Variants in SERTAD2 observed in about 807,000 individuals in gnomAD.
SERTAD2 encodes the protein SERTA domain containing 2.
In SERTAD2, 2 loss-of-function variants were observed where a neutral mutation model predicts 15.4. The observed-to-expected ratio is 0.13, with a 90% CI of 0.05 to 0.41. The LOEUF (loss-of-function observed/expected upper bound fraction) is 0.41, where lower values mean the gene tolerates loss of function less well. SERTAD2 is among the 10% of genes least tolerant of loss of function. SERTAD2 has a pLI of 0.99. For synonymous variants in SERTAD2, 180 were observed against 178.0 expected, an observed-to-expected ratio of 1.01 and a Z score of -0.09; for missense variants, 333 against 409.7, an observed-to-expected ratio of 0.81 and a Z score of 1.62.
At chr2:64,649,341 G>A (rs1674966303) in intron 1 of SERTAD2, among the ~76,000 whole-genome samples, 1 of 152,226 alleles carries the variant, frequency 6.6e-6, no homozygotes, top group African/African-American at 2.4e-5. Context: ...AGGCTGATCT[G>A]GAGCAAGAGA....
intron 1 of SERTAD2, among the ~76,000 whole-genome samples, chr2:64,639,459 T>C (rs1043835863): frequency 2.0e-5 from 3 of 152,208 alleles, no homozygotes; most frequent in Admixed American, 2.0e-4. Context: ...GAGCCCCTAA[T>C]CACAGAAAGC....
At position 64,631,829 on chromosome 2, in the gene SERTAD2, CA is replaced by C. The variant is rs538116888; in HGVS notation, c.*4097del. The C allele has an allele frequency of 6.5e-5, 10 of 152,718 alleles. No individual in the cohort carries two copies. Among genetic ancestry groups the C allele is most frequent in the African/African-American group, 2.2e-4 (9 of 41,550 alleles). 9.5% of individuals were successfully genotyped at this position (152,718 alleles called of 1,614,324 possible). On this transcript the variant is annotated 3_prime_UTR_variant, in exon 2 of 2. Coordinates refer to ENST00000313349, the MANE Select transcript of SERTAD2 (RefSeq NM_014755.3). ...GGGAAAGGTTATACCTCCTTTTTGACAAAAGCCCTCCTCAAAAACCATGCAC... is the reference window on the plus strand; with the variant it reads ...GGGAAAGGTTATACCTCCTTTTTGACAAAGCCCTCCTCAAAAACCATGCAC...
chr2:64,645,125 G>A (rs1674870744), intron 1 of SERTAD2, among the ~76,000 whole-genome samples: 1 of 151,624 alleles, frequency 6.6e-6, no homozygotes, highest in African/African-American at 2.4e-5. Flanking sequence ...GTAAGACAAA[G>A]CCTCCCCTAA....
At position 64,636,483 on chromosome 2, in the gene SERTAD2, A is replaced by G. The variant is rs1428416136; in HGVS notation, c.389T>C (p.Leu130Pro). ...LGSTTPLEAC[L>P]TPASLLEDDD... ...GTCCTCGAGCAGTGAGGCCGGGGTG[A>G]GGCAGGCCTCCAGGGGCGTAGTGCT... Residue 130 changes from leucine (L) to proline (P), a missense_variant, in exon 2 of 2, where the codon CTC becomes CCC. By Grantham distance (98) the Leu-to-Pro change is moderately conservative. Around this residue, in one of 2 missense-constraint regions of SERTAD2, gnomAD observed 332 missense variants for 392.9 expected, o/e 0.84. Transcript: ENST00000313349. 6.2e-7 allele frequency: 1 copy of G among 1,613,360 alleles called. No homozygotes were observed. The highest frequency in any genetic ancestry group is 2.2e-5 in the East Asian group (1 of 44,844).
At chr2:64,636,899 T>A in intron 1 of SERTAD2, 24 bp from the exon 2 acceptor site, 1 of 1,511,516 alleles carries the variant, frequency 6.6e-7, no homozygotes, top group Non-Finnish European at 9.1e-7. Context: ...AGAGAGGAAA[T>A]GGCATTAATC....
At chr2:64,647,472 G>A (rs755584520) in intron 1 of SERTAD2, among the ~76,000 whole-genome samples, 11 of 151,868 alleles carry the variant, frequency 7.2e-5, no homozygotes, top group Non-Finnish European at 1.5e-4. Flanking sequence ...TCCCATTCTC[G>A]GGCATAATGA....
At position 64,637,653 on chromosome 2, in the gene SERTAD2, C is replaced by T. The variant is rs570298726; in HGVS notation, c.-4-778G>A. ...TAATTAGCTCTGATTATAAGCATTG[C>T]TGTTTGGGTACTCGAGACATTTCCT... On this transcript the variant is annotated intron_variant, in intron 1 of 1. Coordinates refer to ENST00000313349, the MANE Select transcript of SERTAD2 (RefSeq NM_014755.3). 2.6e-5 allele frequency among the ~76,000 whole-genome samples: 4 copies of T among 152,312 alleles called. No homozygotes were observed. The South Asian group carries it at 6.2e-4, about 24-fold the overall frequency.
chr2:64,653,315 C>T (rs1488292965), intron 1 of SERTAD2, among the ~76,000 whole-genome samples: 1 of 152,168 alleles, frequency 6.6e-6, no homozygotes, highest in Non-Finnish European at 1.5e-5. Flanking sequence ...GCGACAGCTC[C>T]AGGCGCCCCC....
intron 1 of SERTAD2, among the ~76,000 whole-genome samples, chr2:64,639,351 A>G (rs1674723609): frequency 6.6e-6 from 1 of 152,170 alleles, no homozygotes; most frequent in Non-Finnish European, 1.5e-5. Flanking sequence ...TGGGGCTTCT[A>G]TTTTCCATAA....
At chr2:64,653,334 C>T (rs1279340722) in intron 1 of SERTAD2, among the ~76,000 whole-genome samples, 3 of 152,018 alleles carry the variant, frequency 2.0e-5, no homozygotes, top group Non-Finnish European at 4.4e-5. Context: ...CCGCCCGCCG[C>T]TCGGCTCTCC....
At chr2:64,640,671 G>T (rs1418719968) in intron 1 of SERTAD2, among the ~76,000 whole-genome samples, 2 of 152,098 alleles carry the variant, frequency 1.3e-5, no homozygotes, top group African/African-American at 4.8e-5. Flanking sequence ...TTCACGAAAG[G>T]GGGGCCTGTG....
chr2:64,643,375 G>A (rs1175022616), intron 1 of SERTAD2, among the ~76,000 whole-genome samples: 1 of 152,262 alleles, frequency 6.6e-6, no homozygotes, highest in East Asian at 1.9e-4. Flanking sequence ...CGGGCGGCTA[G>A]TGGGGTGAGC....
intron 1 of SERTAD2, among the ~76,000 whole-genome samples, chr2:64,650,292 A>T (rs1220782866): frequency 6.6e-6 from 1 of 151,886 alleles, no homozygotes; most frequent in Non-Finnish European, 1.5e-5. Context: ...TTACTTTAAA[A>T]TTTTCATTTG....
intron 1 of SERTAD2, among the ~76,000 whole-genome samples, chr2:64,651,250 C>T (rs543114170): frequency 3.2e-4 from 49 of 152,150 alleles, no homozygotes; most frequent in Non-Finnish European, 6.5e-4. Context: ...GTTTCTGTTC[C>T]AGCTTTCACC....
rs555944601 is a variant in SERTAD2, at chr2:64,642,456, ATCTTTAGCT to A, written c.-4-5590_-4-5582del. On this transcript the variant is annotated intron_variant, in intron 1 of 1. Coordinates refer to ENST00000313349, the MANE Select transcript of SERTAD2 (RefSeq NM_014755.3). ...TTTTGAAGATGAATCAGAAAAGGTT[ATCTTTAGCT>A]CAAGGTTTTTCAACTATTTAAAAGC... 5.9e-5 allele frequency among the ~76,000 whole-genome samples: 9 copies of A among 152,344 alleles called. No individual in the cohort carries two copies. The East Asian group carries it at 1.7e-3, about 29-fold the overall frequency.
At chr2:64,645,788 T>C (rs1674889158) in intron 1 of SERTAD2, among the ~76,000 whole-genome samples, 1 of 152,222 alleles carries the variant, frequency 6.6e-6, no homozygotes, top group Admixed American at 6.5e-5. Flanking sequence ...TTATATCCTG[T>C]CTTAGTGGTT....
At chr2:64,645,774 T>G (rs973560173) in intron 1 of SERTAD2, among the ~76,000 whole-genome samples, 1 of 152,222 alleles carries the variant, frequency 6.6e-6, no homozygotes, top group Admixed American at 6.5e-5. Context: ...GTATAAAATG[T>G]TTCTTATATC....
Position 64,636,828 on chromosome 2 carries a change from T to A in SERTAD2, c.44A>T (p.Asp15Val). Residue 15 changes from aspartate (D) to valine (V), a missense_variant, in exon 2 of 2, where the codon GAT becomes GTT. Asp to Val is a radical substitution (Grantham distance 152). Transcript: ENST00000313349. Reference sequence around the variant, plus strand: ...AGACACGATTTTGCCTTCCAGCCCATCTTCATGCTCATCAAACTTCCGTTT... The same window carrying A: ...AGACACGATTTTGCCTTCCAGCCCAACTTCATGCTCATCAAACTTCCGTTT... Reference protein sequence around the residue: ...GGKRKFDEHEDGLEGKIVSPC... With the variant: ...GGKRKFDEHEVGLEGKIVSPC... 6 of 1,613,970 alleles carry A rather than the reference T, an allele frequency of 3.7e-6. No homozygotes were observed. The highest frequency in any genetic ancestry group is 5.1e-6 in the Non-Finnish European group (6 of 1,179,896).
Position 64,632,853 on chromosome 2 carries a change from C to G in SERTAD2, c.*3074G>C, listed in dbSNP as rs1235499963. 2 of 148,022 alleles carry G rather than the reference C, an allele frequency of 1.4e-5. No individual in the cohort carries two copies. The highest frequency in any genetic ancestry group is 3.0e-5 in the Non-Finnish European group (2 of 66,974). 9.2% of individuals were successfully genotyped at this position (148,022 alleles called of 1,614,324 possible). A position where few individuals can be genotyped will look rare whatever the true frequency, so the allele number is the denominator to read the frequency against. ...CCACAGTAAAATAAATATATTTACA[C>G]AGAAAAAAGGAATAAATAACTTATG... On this transcript the variant is annotated 3_prime_UTR_variant, in exon 2 of 2. Transcript: ENST00000313349.
Sources: gnomAD v4.1 joint callset for allele counts (sites outside exome capture counted in the v4.1 genomes callset) on GRCh38, gnomAD v4.1.1 for gene constraint, gnomAD v4.1.1 regional missense constraint, MANE v1.5 for transcripts, NCBI Gene and HGNC (gene_info 2026-07-23, HGNC 2026-07-21) for gene names.